The following ASPG variants were observed in gnomAD, a reference collection of about 807,000 sequenced individuals.
ASPG encodes the protein 60 kDa lysophospholipase.
In ASPG, 53 loss-of-function variants were observed where a neutral mutation model predicts 63.2. That is an observed-to-expected ratio of 0.84 (90% CI 0.67 to 1.05). The LOEUF (loss-of-function observed/expected upper bound fraction) is 1.05, where lower values mean the gene tolerates loss of function less well. ASPG is among the 50% of genes least tolerant of loss of function. ASPG has a pLI of 0.00. For synonymous variants in ASPG, 370 were observed against 355.0 expected, an observed-to-expected ratio of 1.04 and a Z score of -0.48; for missense variants, 741 against 794.4, an observed-to-expected ratio of 0.93 and a Z score of 0.81.
chr14:104,092,714 G>A lies in ASPG; in HGVS notation c.164G>A (p.Gly55Asp). 6.5e-7 allele frequency: 1 copy of A among 1,536,364 alleles called. No individual in the cohort carries two copies. The highest frequency in any genetic ancestry group is 8.7e-7 in the Non-Finnish European group (1 of 1,146,818). ...GACGAGGAGCACGCCCGAGCCCGCG[G>A]CCTCTCTGAGGACACCCTGGTGCTA... is the stretch of plus-strand genomic sequence containing the variant. Reference protein sequence around the residue: ...FHDEEHARARGLSEDTLVLPP... With the variant: ...FHDEEHARARDLSEDTLVLPP... The change falls in exon 2 of 16, where the codon GGC (glycine) becomes GAC (aspartate). Residue 55 changes from glycine to aspartate, a missense_variant. Gly to Asp is a moderately conservative substitution (Grantham distance 94, BLOSUM62 -1). Transcript: ENST00000551177.
Position 104,109,763 on chromosome 14 carries a change from C to T in ASPG, c.1520+448C>T, listed in dbSNP as rs1305235488. The stretch of plus-strand genomic sequence containing the variant: ...CCTGGCAGGTGACAGGTCTCGTGAG[C>T]TCTGTTCTCCCCAGCGTGGTTCCTG... On this transcript the variant is annotated intron_variant, in intron 13 of 15. Transcript: ENST00000551177. This position sits in a 1 kb window ranked among gnomAD's most constrained non-coding sequence, Gnocchi z 4.8. 6.6e-6 allele frequency among the ~76,000 whole-genome samples: 1 copy of T among 151,918 alleles called. No individual in the cohort carries two copies. Among genetic ancestry groups the T allele is most frequent in the Non-Finnish European group, 1.5e-5 (1 of 67,990 alleles).
At chr14:104,111,383 G>C (rs2037376962) in intron 13 of ASPG, 119 bp from the exon 14 acceptor site, 6 of 1,067,934 alleles carry the variant, frequency 5.6e-6, no homozygotes, top group Non-Finnish European at 8.1e-6. Context: ...GTCGCTGCTG[G>C]GTCAGCTGTT....
chr14:104,085,766 C>A lies in ASPG; in HGVS notation c.-5C>A. On this transcript the variant is annotated 5_prime_UTR_variant, in exon 1 of 16. Transcript: ENST00000551177. ...CCCGTCCACTCCCGTGGTCCCCGGTCCGGCATGGCGCGCGCGGTGGGGCCC... is the reference window on the plus strand; with the variant it reads ...CCCGTCCACTCCCGTGGTCCCCGGTACGGCATGGCGCGCGCGGTGGGGCCC... 6.3e-7 allele frequency: 1 copy of A among 1,575,870 alleles called. No individual in the cohort carries two copies. The highest frequency in any genetic ancestry group is 1.1e-5 in the South Asian group (1 of 87,414).
chr14:104,102,968 G>A (rs1225974697), intron 6 of ASPG, among the ~76,000 whole-genome samples: 1 of 152,238 alleles, frequency 6.6e-6, no homozygotes, highest in African/African-American at 2.4e-5. Flanking sequence ...CTGGATGGAG[G>A]CCTTCTCTCC....
Position 104,112,650 on chromosome 14 carries a change from A to C in ASPG, c.*106A>C, listed in dbSNP as rs768170213. ...TGGGGCTGCTTCCCAGCCTGCTCTC[A>C]TGTAAAGCCTGAAGGCCTTTGTTGG... On this transcript the variant is annotated 3_prime_UTR_variant, in exon 16 of 16. Transcript: ENST00000551177. 354 of 1,549,656 alleles carry C rather than the reference A, an allele frequency of 2.3e-4. No individual in the cohort carries two copies. The highest frequency in any genetic ancestry group is 2.9e-4 in the Non-Finnish European group (338 of 1,152,732).
chr14:104,095,539 C>G lies in ASPG; in HGVS notation c.312C>G (p.Tyr104Ter). The G allele has an allele frequency of 6.2e-7, 1 of 1,613,000 alleles. No individual in the cohort carries two copies. The highest frequency in any genetic ancestry group is 8.5e-7 in the Non-Finnish European group (1 of 1,179,802). Reference protein sequence around the residue: ...VCLAQTIKRHYEQYHGFVVIH... With the variant: ...VCLAQTIKRH ...ATGCGCCCCTCCTGCAGAGGCACTA[C>G]GAGCAGTACCACGGCTTTGTGGTCA... Residue 104 changes from tyrosine (Y) to a stop codon, truncating the protein, a stop_gained, in exon 4 of 16, where the codon TAC (tyrosine) becomes TAG (stop). Transcript: ENST00000551177. LOFTEE classifies it high-confidence loss of function.
rs1596119426 is a variant in ASPG at position 104,113,306 on chromosome 14, A to G, written c.*762A>G. 2 of 125,476 alleles carry G rather than the reference A, an allele frequency of 1.6e-5. No individual in the cohort carries two copies. Among genetic ancestry groups the G allele is most frequent in the East Asian group, 2.8e-4 (1 of 3,534 alleles). 7.8% of individuals were successfully genotyped at this position (125,476 alleles called of 1,614,324 possible). A position where few individuals can be genotyped will look rare whatever the true frequency, so the allele number is the denominator to read the frequency against. On this transcript the variant is annotated 3_prime_UTR_variant, in exon 16 of 16. Coordinates refer to ENST00000551177, the MANE Select transcript of ASPG (RefSeq NM_001080464.3). Reference sequence around the variant, plus strand: ...GAGCCAGGCCACCCTGTAAGGGAAGAGGTGAGCTGTGCCTGCCTGGTTGCA... The same window carrying G: ...GAGCCAGGCCACCCTGTAAGGGAAGGGGTGAGCTGTGCCTGCCTGGTTGCA...
intron 5 of ASPG, 73 bp downstream of exon 5, chr14:104,097,710 A>C: frequency 7.0e-7 from 1 of 1,421,784 alleles, no homozygotes; most frequent in Non-Finnish European, 9.6e-7. Context: ...CCAGGAAACA[A>C]AGTCCCCCCA....
At position 104,106,834 on chromosome 14, in the gene ASPG, C is replaced by A. The variant is rs1378232624; in HGVS notation, c.1209C>A (p.Ser403Arg). The change falls in exon 11 of 16, where the codon AGC (serine) becomes AGA (arginine). Residue 403 changes from serine to arginine, a missense_variant. By Grantham distance (110) the Ser-to-Arg change is moderately radical. Transcript: ENST00000551177. Reference sequence around the variant, plus strand: ...CCCTGCGGAATGCCCTGGTGCCCAGCCTGGCCTGTGCTGCTGCCCACGCCG... The same window carrying A: ...CCCTGCGGAATGCCCTGGTGCCCAGACTGGCCTGTGCTGCTGCCCACGCCG... ...ADALRNALVP[S>R]LACAAAHAGD... 3 of 1,601,634 alleles carry A rather than the reference C, an allele frequency of 1.9e-6. No homozygotes were observed. Among genetic ancestry groups the A allele is most frequent in the Non-Finnish European group, 1.7e-6 (2 of 1,175,712 alleles).
chr14:104,089,878 G>A (rs2036316865), intron 1 of ASPG, among the ~76,000 whole-genome samples: 1 of 149,728 alleles, frequency 6.7e-6, no homozygotes, highest in African/African-American at 2.5e-5. Flanking sequence ...AGCCGGGTGG[G>A]TGGAGGTTGC....
At chr14:104,104,904 G>A in intron 9 of ASPG, 169 bp downstream of exon 9, 3 of 627,254 alleles carry the variant, frequency 4.8e-6, no homozygotes, top group Non-Finnish European at 8.1e-6. Flanking sequence ...GGGCAGCTCT[G>A]GGCCCAGGCT....
intron 4 of ASPG, among the ~76,000 whole-genome samples, chr14:104,096,918 C>A (rs1356428321): frequency 6.6e-6 from 1 of 152,220 alleles, no homozygotes; most frequent in African/African-American, 2.4e-5. Flanking sequence ...CTCTGCACCG[C>A]CACCTGCGCC....
At chr14:104,111,247 G>A (rs2037371991) in intron 13 of ASPG, 1 of 911,214 alleles carries the variant, frequency 1.1e-6, no homozygotes, top group African/African-American at 1.8e-5. Flanking sequence ...GTATGCTGCT[G>A]TGTGTGCATG....
In ASPG at chr14:104,109,255, G is replaced by A. The variant is rs754900942; in HGVS notation, c.1460G>A (p.Arg487Gln). 1.5e-4 allele frequency: 240 copies of A among 1,613,276 alleles called. 1 individual carries two copies. The highest frequency in any genetic ancestry group is 2.0e-4 in the Non-Finnish European group (233 of 1,179,784). Residue 487 changes from arginine (R) to glutamine (Q), a missense_variant, in exon 13 of 16, where the codon CGG (arginine) becomes CAG (glutamine). Arg to Gln is a conservative substitution (Grantham distance 43, BLOSUM62 1). Transcript: ENST00000551177. The surrounding 1 kb of genome is among the most constrained non-coding windows in gnomAD (Gnocchi z 4.8). ...GRHPGVIGLL[R>Q]EAGASLSTQE... ...CATCCGGGTGTCATTGGGTTGCTGC[G>A]GGAAGCCGGGGCCTCCCTGTCCACC...
intron 4 of ASPG, among the ~76,000 whole-genome samples, 171 bp from the exon 5 acceptor site, chr14:104,097,383 A>G (rs2036640493): frequency 6.6e-6 from 1 of 152,124 alleles, no homozygotes; most frequent in Non-Finnish European, 1.5e-5. Context: ...CGTTCCCCCA[A>G]GGCACCCATC....
chr14:104,096,029 C>T (rs2140998209), intron 4 of ASPG, among the ~76,000 whole-genome samples: 1 of 152,312 alleles, frequency 6.6e-6, no homozygotes, highest in South Asian at 2.1e-4. Flanking sequence ...CACAGAGCCG[C>T]ACCAGGAGGC....
Position 104,111,949 on chromosome 14 carries a change from G to A in ASPG, c.1650G>A (p.Val550=). Residue 550 remains valine (V), a synonymous_variant, in exon 15 of 16, where the codon GTG becomes GTA. Coordinates refer to ENST00000551177, the MANE Select transcript of ASPG (RefSeq NM_001080464.3). The stretch of plus-strand genomic sequence containing the variant: ...AGGCAGCCGGGAACCTGGCAGTGGT[G>A]GCCTTTCTACAGAGCCTGGAGGGTG... ...VAEAAGNLAV[V]AFLQSLEGAV... The A allele has an allele frequency of 6.4e-7, 1 of 1,557,728 alleles. No homozygotes were observed. The highest frequency in any genetic ancestry group is 8.7e-7 in the Non-Finnish European group (1 of 1,150,536).
At chr14:104,092,467 GC>G (rs1164488730) in intron 1 of ASPG, among the ~76,000 whole-genome samples, 165 bp from the exon 2 acceptor site, 1 of 152,188 alleles carries the variant, frequency 6.6e-6, no homozygotes, top group African/African-American at 2.4e-5. Flanking sequence ...TCAGCCGCCT[GC>G]CCTCTGAGGG....
At position 104,104,767 on chromosome 14, in the gene ASPG, C is replaced by G. The variant is rs376813031; in HGVS notation, c.1050+32C>G. ...GCGCTCTCGGGCTGTGGGCAACCCT[C>G]GGTGTGCACAAGCATGTCAGTTGGC... On this transcript the variant is annotated intron_variant, in intron 9 of 15. Coordinates refer to ENST00000551177, the MANE Select transcript of ASPG (RefSeq NM_001080464.3). The G allele has an allele frequency of 2.6e-6, 4 of 1,537,574 alleles. No homozygotes were observed. In the East Asian group the frequency reaches 9.1e-5, roughly 35 times the overall value.
Sources: gnomAD v4.1 joint callset for allele counts (sites outside exome capture counted in the v4.1 genomes callset) on GRCh38, gnomAD v4.1.1 for gene constraint, Gnocchi (gnomAD v3.1) non-coding constraint, MANE v1.5 for transcripts, NCBI Gene and HGNC (gene_info 2026-07-23, HGNC 2026-07-21) for gene names.